The following CD244 variants were observed in gnomAD, a reference collection of about 807,000 sequenced individuals.
CD244 encodes CD244 molecule, also known as natural killer cell receptor 2B4.
A neutral mutation model predicts 45.5 loss-of-function variants in CD244; 20 were observed. The ratio of observed to expected loss-of-function variants is 0.44; its 90% CI spans 0.31 to 0.64. The LOEUF (loss-of-function observed/expected upper bound fraction) is 0.64. CD244 is among the 30% of genes least tolerant of loss of function. CD244 has a pLI of 0.08. For missense variants in CD244, 407 were observed against 426.9 expected (o/e 0.95, Z 0.41); for synonymous variants, 185 against 160.5 (o/e 1.15, Z -1.15).
intron 1 of CD244, among the ~76,000 whole-genome samples, chr1:160,857,840 A>G (rs569728163): frequency 4.7e-4 from 72 of 152,290 alleles, no homozygotes; most frequent in African/African-American, 1.7e-3. Context: ...TGAGCCCAGG[A>G]GGTCAAGACC....
chr1:160,846,140 G>A (rs1033700574), intron 1 of CD244, among the ~76,000 whole-genome samples: 2 of 151,624 alleles, frequency 1.3e-5, no homozygotes, highest in South Asian at 2.1e-4. Flanking sequence ...TTTGTGAGTC[G>A]GTGCACCCAT....
intron 6 of CD244, 71 bp downstream of exon 6, chr1:160,836,124 G>C: frequency 8.9e-7 from 1 of 1,120,248 alleles, no homozygotes; most frequent in East Asian, 2.3e-5. Context: ...ATTCAATGGT[G>C]TGAGTTTCAG....
intron 1 of CD244, among the ~76,000 whole-genome samples, chr1:160,850,794 C>G (rs186209253): frequency 1.8e-3 from 274 of 152,300 alleles, no homozygotes; most frequent in Non-Finnish European, 2.7e-3. Flanking sequence ...TGGACACCAA[C>G]TGGATGTCCT....
intron 7 of CD244, 49 bp downstream of exon 7, chr1:160,834,002 A>G (rs753481605): frequency 1.5e-6 from 2 of 1,338,866 alleles, no homozygotes; most frequent in East Asian, 4.6e-5. Context: ...CATGCAAAAT[A>G]CACATCTACA....
chr1:160,844,702 C>A (rs535527567), intron 1 of CD244, among the ~76,000 whole-genome samples: 1 of 152,192 alleles, frequency 6.6e-6, no homozygotes, highest in African/African-American at 2.4e-5. Flanking sequence ...TGGCCTGGTG[C>A]GGTGGCTCAT....
intron 8 of CD244, among the ~76,000 whole-genome samples, 198 bp from the exon 9 acceptor site, chr1:160,831,625 ACT>A (rs781436786): frequency 4.6e-5 from 7 of 152,228 alleles, no homozygotes; most frequent in Non-Finnish European, 8.8e-5. Context: ...CAATTCCAGT[ACT>A]CTCTTAACCA....
At chr1:160,835,739 A>C (rs1434657998) in intron 6 of CD244, among the ~76,000 whole-genome samples, 2 of 152,230 alleles carry the variant, frequency 1.3e-5, no homozygotes, top group Admixed American at 6.5e-5. Flanking sequence ...CTAAACAATA[A>C]AATTGTTTTA....
At position 160,841,715 on chromosome 1, in the gene CD244, A is replaced by T. The variant is rs147284102; in HGVS notation, c.248T>A (p.Phe83Tyr). 36 of 1,614,058 alleles carry T rather than the reference A, an allele frequency of 2.2e-5. 2 individuals carry two copies. In the Middle Eastern group the frequency reaches 4.9e-4, roughly 22 times the overall value. Residue 83 changes from phenylalanine to tyrosine, a missense_variant, in exon 2 of 9, where the codon TTC becomes TAC. Physicochemically the swap from Phe to Tyr is conservative, Grantham distance 22 (BLOSUM62 3). Coordinates refer to ENST00000368034, the MANE Select transcript of CD244 (RefSeq NM_016382.4). The stretch of plus-strand genomic sequence containing the variant: ...ACTCAAGTTCTTGACTATAAAACTG[A>T]ATCTATCATTGGAAGTATTGGAAGG... ...SLPSNTSNDR[F>Y]SFIVKNLSLL...
chr1:160,830,816 G>A lies in CD244; in HGVS notation c.*531C>T, dbSNP rs1229047155. ...TTTCTCTGCAATTGAGTAAAGCCCA[G>A]GCCCTGGCCCCCACCCACGTGCAGA... is the stretch of plus-strand genomic sequence containing the variant. On this transcript the variant is annotated 3_prime_UTR_variant, in exon 9 of 9. Coordinates refer to ENST00000368034, the MANE Select transcript of CD244 (RefSeq NM_016382.4). 6.5e-6 allele frequency: 1 copy of A among 154,022 alleles called. No homozygotes were observed. The highest frequency in any genetic ancestry group is 1.4e-5 in the Non-Finnish European group (1 of 69,230). The allele number at this position is 154,022 out of a possible 1,614,324, so 9.5% of individuals were successfully genotyped here. A position where few individuals can be genotyped will look rare whatever the true frequency, so the allele number is the denominator to read the frequency against.
chr1:160,855,027 G>A (rs116572238), intron 1 of CD244, among the ~76,000 whole-genome samples: 2,204 of 152,298 alleles, frequency 0.014, 54 homozygotes, highest in African/African-American at 0.05. Context: ...TATTGGTCAA[G>A]GACAGGGCAA....
chr1:160,832,956 TAC>T (rs1238261355), intron 7 of CD244, among the ~76,000 whole-genome samples: 5 of 22,382 alleles, frequency 2.2e-4, no homozygotes, highest in African/African-American at 8.6e-4. Context: ...CACACACACA[TAC>T]ACATACACAT....
chr1:160,841,622 C>G lies in CD244; in HGVS notation c.341G>C (p.Gly114Ala). 1.9e-6 allele frequency: 3 copies of G among 1,614,206 alleles called. No individual in the cohort carries two copies. The highest frequency in any genetic ancestry group is 2.5e-6 in the Non-Finnish European group (3 of 1,180,048). The change falls in exon 2 of 9, where the codon GGA (glycine) becomes GCA (alanine). Residue 114 changes from glycine (G) to alanine (A), a missense_variant. Physicochemically the swap from Gly to Ala is moderately conservative, Grantham distance 60 (BLOSUM62 0). Coordinates refer to ENST00000368034, the MANE Select transcript of CD244 (RefSeq NM_016382.4). The stretch of plus-strand genomic sequence containing the variant: ...CTGGAACGTGGCTGTCTGAACTTTT[C>G]CAGATATACTGGTGACCTCCAGGCA... ...LYCLEVTSIS[G>A]KVQTATFQVF...
chr1:160,841,648 G>A lies in CD244; in HGVS notation c.315C>T (p.Tyr105=). The part of the protein sequence containing the change: ...KAAQQQDSGL[Y]CLEVTSISGK... ...CAGATATACTGGTGACCTCCAGGCAGTAGAGGCCACTGTCCTGCTGCTGAG... is the reference window on the plus strand; with the variant it reads ...CAGATATACTGGTGACCTCCAGGCAATAGAGGCCACTGTCCTGCTGCTGAG... The change falls in exon 2 of 9, where the codon TAC becomes TAT. Residue 105 remains tyrosine (Y), a synonymous_variant. Coordinates refer to ENST00000368034, the MANE Select transcript of CD244 (RefSeq NM_016382.4). 2 of 1,614,210 alleles carry A rather than the reference G, an allele frequency of 1.2e-6. No individual in the cohort carries two copies. The highest frequency in any genetic ancestry group is 1.1e-5 in the South Asian group (1 of 91,084).
Position 160,841,404 on chromosome 1 carries a change from A to T in CD244, c.461T>A (p.Val154Asp), listed in dbSNP as rs1669536470. The T allele has an allele frequency of 8.1e-6, 13 of 1,614,056 alleles. No homozygotes were observed. The highest frequency in any genetic ancestry group is 1.7e-5 in the Admixed American group (1 of 60,002). ...GRCQVALSCLVSRDGNVSYAW... is the reference protein window; with the variant it reads ...GRCQVALSCLDSRDGNVSYAW... The stretch of plus-strand genomic sequence containing the variant: ...ATAGGACACATTGCCATCCCTGGAG[A>T]CCAAGCAAGACAGAGCCACTTGGCA... Residue 154 changes from valine to aspartate, a missense_variant, in exon 3 of 9, where the codon GTC (valine) becomes GAC (aspartate). By Grantham distance (152) the Val-to-Asp change is radical. Transcript: ENST00000368034.
intron 1 of CD244, among the ~76,000 whole-genome samples, chr1:160,849,283 C>CTTTTTTTTTTTTTTTTTTTT (rs371170555): frequency 1.4e-5 from 2 of 139,328 alleles, no homozygotes; most frequent in Non-Finnish European, 3.1e-5. Context: ...CCATCTCTTT[C>CTTTTTTTTTTTTTTTTTTTT]TTTTTTTTTT....
At chr1:160,846,455 T>C (rs1253210818) in intron 1 of CD244, among the ~76,000 whole-genome samples, 1 of 152,092 alleles carries the variant, frequency 6.6e-6, no homozygotes, top group African/African-American at 2.4e-5. Context: ...TCAGTTGAGG[T>C]CGGGAGTTGG....
Position 160,841,794 on chromosome 1 carries a change from G to A in CD244, c.169C>T (p.Leu57=), listed in dbSNP as rs780890143. The A allele has an allele frequency of 1.9e-6, 3 of 1,614,156 alleles. No homozygotes were observed. The highest frequency in any genetic ancestry group is 2.5e-6 in the Non-Finnish European group (3 of 1,180,002). The part of the protein sequence containing the change: ...KVDSIAWKKL[L]PSQNGFHHIL... Reference sequence around the variant, plus strand: ...TGATGAAATCCATTTTGTGAGGGCAGCAACTTCTTCCATGCAATGCTGTCA... The same window carrying A: ...TGATGAAATCCATTTTGTGAGGGCAACAACTTCTTCCATGCAATGCTGTCA... Residue 57 remains leucine, a synonymous_variant, in exon 2 of 9, where the codon CTG becomes TTG. Coordinates refer to ENST00000368034, the MANE Select transcript of CD244 (RefSeq NM_016382.4).
rs540248591 is a variant in CD244 at position 160,862,288 on chromosome 1, G to A, written c.61+329C>T. On this transcript the variant is annotated intron_variant, in intron 1 of 8. Transcript: ENST00000368034. The stretch of plus-strand genomic sequence containing the variant: ...CTCTTCTCTCATGCCACAATTGGAG[G>A]ATGCAATTTTCATCATCTTTACAGG... Among the ~76,000 whole-genome samples, 3 of 152,310 alleles carry A rather than the reference G, an allele frequency of 2.0e-5. No individual in the cohort carries two copies. The South Asian group carries it at 6.2e-4, about 32-fold the overall frequency.
rs773287903 is a variant in CD244 at position 160,831,173 on chromosome 1, G to A, written c.*174C>T. On this transcript the variant is annotated 3_prime_UTR_variant, in exon 9 of 9. Transcript: ENST00000368034. ...TTGGAAGATATTATTTAACAGCCTTGCTCTTATCATGGTTGTTAGACATCA... is the reference window on the plus strand; with the variant it reads ...TTGGAAGATATTATTTAACAGCCTTACTCTTATCATGGTTGTTAGACATCA... 38 of 591,686 alleles carry A rather than the reference G, an allele frequency of 6.4e-5. No homozygotes were observed. The highest frequency in any genetic ancestry group is 1.2e-4 in the Non-Finnish European group (38 of 328,234). 36.7% of individuals were successfully genotyped at this position (591,686 alleles called of 1,614,324 possible). A position where few individuals can be genotyped will look rare whatever the true frequency, so the allele number is the denominator to read the frequency against.
Sources: gnomAD v4.1 joint callset for allele counts (sites outside exome capture counted in the v4.1 genomes callset) on GRCh38, gnomAD v4.1.1 for gene constraint, MANE v1.5 for transcripts, NCBI Gene and HGNC (gene_info 2026-07-23, HGNC 2026-07-21) for gene names.